GRB10: variants seen among roughly 807,000 people sequenced by gnomAD.
GRB10 encodes growth factor receptor bound protein 10, also known as growth factor receptor-bound protein 10.
A neutral mutation model predicts 80.9 loss-of-function variants in GRB10; 20 were observed. That is an observed-to-expected ratio of 0.25 (90% confidence interval 0.17 to 0.36). The LOEUF (loss-of-function observed/expected upper bound fraction) is 0.36, where lower values mean the gene tolerates loss of function less well. GRB10 is among the 10% of genes least tolerant of loss of function. The probability of loss-of-function intolerance (pLI) is 1.00; values close to 1 mark genes in which losing one functional copy is unlikely to be tolerated. For synonymous variants in GRB10, 291 were observed against 291.5 expected (o/e 1.00, Z 0.02); for missense variants, 548 against 747.7 (o/e 0.73, Z 3.12).
At chr7:50,668,558 C>T (rs867469534) in intron 7 of GRB10, among the ~76,000 whole-genome samples, 7 of 152,102 alleles carry the variant, frequency 4.6e-5, no homozygotes, top group African/African-American at 1.4e-4. Flanking sequence ...AGGGAACATG[C>T]GTACTTAATT....
intron 2 of GRB10, among the ~76,000 whole-genome samples, chr7:50,757,841 T>C (rs918529709): frequency 6.6e-6 from 1 of 152,186 alleles, no homozygotes; most frequent in African/African-American, 2.4e-5. Context: ...TTTTCCCCAA[T>C]TCTGATTCAA....
intron 4 of GRB10, among the ~76,000 whole-genome samples, chr7:50,725,743 T>C (rs979866400): frequency 6.6e-6 from 1 of 152,218 alleles, no homozygotes. Flanking sequence ...AAGTGGGATA[T>C]AGGTATCCCT....
At chr7:50,615,265 G>T (rs184412256) in intron 11 of GRB10, among the ~76,000 whole-genome samples, 1 of 152,292 alleles carries the variant, frequency 6.6e-6, no homozygotes, top group East Asian at 1.9e-4. Context: ...CCGTACTTTG[G>T]GTTTTCCCAC....
intron 7 of GRB10, among the ~76,000 whole-genome samples, chr7:50,634,224 G>C (rs943175593): frequency 6.6e-6 from 1 of 152,156 alleles, no homozygotes; most frequent in African/African-American, 2.4e-5. Context: ...GAAGAGACTG[G>C]GGGTCTATTT....
intron 8 of GRB10, among the ~76,000 whole-genome samples, chr7:50,624,266 G>C (rs1246047165): frequency 6.6e-6 from 1 of 152,228 alleles, no homozygotes; most frequent in Non-Finnish European, 1.5e-5. Flanking sequence ...GCCTGGGGAT[G>C]TGCCCTAAGA....
At chr7:50,775,790 C>T (rs1172966280) in intron 2 of GRB10, among the ~76,000 whole-genome samples, 1 of 152,206 alleles carries the variant, frequency 6.6e-6, no homozygotes, top group East Asian at 1.9e-4. Context: ...GCAGACTTAG[C>T]GCCATGTGGA....
At chr7:50,696,490 C>T (rs1396493540) in intron 5 of GRB10, among the ~76,000 whole-genome samples, 1 of 152,226 alleles carries the variant, frequency 6.6e-6, no homozygotes, top group Non-Finnish European at 1.5e-5. Flanking sequence ...GGCAGCCTCT[C>T]AGGCTGTTAC....
intron 4 of GRB10, among the ~76,000 whole-genome samples, chr7:50,723,244 C>T (rs1172908795): frequency 6.6e-6 from 1 of 152,082 alleles, no homozygotes; most frequent in Non-Finnish European, 1.5e-5. Flanking sequence ...AACTCTGTGT[C>T]CACAGACAGA....
chr7:50,602,696 A>C (rs2047814029), intron 17 of GRB10, among the ~76,000 whole-genome samples: 1 of 152,224 alleles, frequency 6.6e-6, no homozygotes, highest in Non-Finnish European at 1.5e-5. Context: ...CCTCAACTTA[A>C]TTTAAAGGAG....
chr7:50,604,475 C>CA, intron 15 of GRB10, 98 bp from the exon 16 acceptor site: 1 of 996,956 alleles, frequency 1.0e-6, no homozygotes. Context: ...GGTGGGGTGC[C>CA]TGACTGGGCT....
intron 5 of GRB10, among the ~76,000 whole-genome samples, chr7:50,702,922 A>C (rs936379166): frequency 2.6e-5 from 4 of 152,252 alleles, no homozygotes. Flanking sequence ...TTTCCATTTA[A>C]ATGAGATCAC....
intron 7 of GRB10, among the ~76,000 whole-genome samples, chr7:50,641,505 T>C (rs2056264346): frequency 6.6e-6 from 1 of 152,144 alleles, no homozygotes; most frequent in African/African-American, 2.4e-5. Context: ...TGAAGGGCAG[T>C]ACATTTAGAA....
intron 4 of GRB10, among the ~76,000 whole-genome samples, chr7:50,722,978 A>G (rs73349065): frequency 0.011 from 1,689 of 152,300 alleles, 33 homozygotes; most frequent in African/African-American, 0.035. Context: ...AAAAATCCAT[A>G]TAAGTACCCT....
At chr7:50,704,967 G>A (rs1454931401) in intron 4 of GRB10, among the ~76,000 whole-genome samples, 1 of 152,162 alleles carries the variant, frequency 6.6e-6, no homozygotes, top group Non-Finnish European at 1.5e-5. Context: ...AACTGCCCAA[G>A]AAACTCAAAA....
intron 5 of GRB10, among the ~76,000 whole-genome samples, chr7:50,675,252 T>G (rs978933064): frequency 2.0e-5 from 3 of 152,064 alleles, no homozygotes; most frequent in Non-Finnish European, 4.4e-5. Flanking sequence ...TTGGCCAGAG[T>G]GCAGAAGGAA....
chr7:50,631,280 A>C (rs562644605), intron 7 of GRB10, among the ~76,000 whole-genome samples: 16 of 152,218 alleles, frequency 1.1e-4, no homozygotes, highest in Non-Finnish European at 2.1e-4. Context: ...TAAAAATAGC[A>C]AATGGGGCAC....
At chr7:50,606,085 G>A (rs1447937667) in intron 14 of GRB10, among the ~76,000 whole-genome samples, 1 of 152,200 alleles carries the variant, frequency 6.6e-6, no homozygotes, top group Non-Finnish European at 1.5e-5. Flanking sequence ...CACTTAAAGA[G>A]AGCCACCTAC....
chr7:50,596,723 A>T (rs2046721285), intron 17 of GRB10, among the ~76,000 whole-genome samples: 1 of 150,360 alleles, frequency 6.7e-6, no homozygotes, highest in African/African-American at 2.4e-5. Context: ...TTCAGAAGAA[A>T]AAACAGTAAC....
At chr7:50,748,249 C>T (rs1017788317) in intron 3 of GRB10, among the ~76,000 whole-genome samples, 6 of 152,220 alleles carry the variant, frequency 3.9e-5, no homozygotes, top group African/African-American at 1.2e-4. Context: ...CTGCCTAGCA[C>T]CCTGGAGGAG....
Sources: gnomAD v4.1 joint callset for allele counts (sites outside exome capture counted in the v4.1 genomes callset) on GRCh38, gnomAD v4.1.1 for gene constraint, MANE v1.5 for transcripts, NCBI Gene and HGNC (gene_info 2026-07-23, HGNC 2026-07-21) for gene names.